RALY: variants seen among roughly 807,000 people sequenced by gnomAD.
The protein encoded by RALY is RNA-binding protein Raly.
RALY carries 15 observed loss-of-function variants against 30.7 expected under a neutral mutation model. That is an observed-to-expected ratio of 0.49 (90% CI 0.33 to 0.75). The LOEUF (loss-of-function observed/expected upper bound fraction) is 0.75, where lower values mean the gene tolerates loss of function less well. Among genes scored for constraint, RALY ranks in the 30% least tolerant of loss-of-function variants. RALY has a pLI of 0.02. For synonymous variants in RALY, 177 were observed against 170.8 expected (o/e 1.04, Z -0.28); for missense variants, 339 against 414.3 (o/e 0.82, Z 1.58).
At chr20:34,026,773 A>G (rs1415506010) in intron 1 of RALY, among the ~76,000 whole-genome samples, 14 of 151,838 alleles carry the variant, frequency 9.2e-5, no homozygotes, top group Admixed American at 9.2e-4. Flanking sequence ...TGCACTCCTT[A>G]CATCTCCCTT....
At chr20:34,048,262 A>G (rs558676028) in intron 2 of RALY, among the ~76,000 whole-genome samples, 23 of 152,092 alleles carry the variant, frequency 1.5e-4, no homozygotes, top group Non-Finnish European at 2.9e-4. Context: ...AAGTAAACCA[A>G]TGGGCTGGGA....
At chr20:34,043,604 T>A (rs1435812088) in intron 2 of RALY, among the ~76,000 whole-genome samples, 2 of 152,234 alleles carry the variant, frequency 1.3e-5, no homozygotes, top group Non-Finnish European at 2.9e-5. Context: ...CAAAGACTTT[T>A]GCCCTTTTCT....
At chr20:33,998,124 T>G (rs1338833574) in intron 1 of RALY, among the ~76,000 whole-genome samples, 2 of 152,238 alleles carry the variant, frequency 1.3e-5, no homozygotes, top group African/African-American at 2.4e-5. Context: ...GAAGAATTAA[T>G]GAGCCTCTGT....
At chr20:34,022,328 T>G (rs886794232) in intron 1 of RALY, among the ~76,000 whole-genome samples, 5 of 152,122 alleles carry the variant, frequency 3.3e-5, no homozygotes, top group Non-Finnish European at 7.4e-5. Context: ...GTAGAAAATC[T>G]GGATCATAGT....
rs1370825655 is a variant in RALY at position 34,083,798 on chromosome 20, C to T, written c.*3893C>T. 6.6e-6 allele frequency: 1 copy of T among 152,186 alleles called. No homozygotes were observed. The highest frequency in any genetic ancestry group is 2.4e-5 in the African/African-American group (1 of 41,420). 9.4% of individuals were successfully genotyped at this position (152,186 alleles called of 1,614,324 possible). A position where few individuals can be genotyped will look rare whatever the true frequency, so the allele number is the denominator to read the frequency against. ...ATGCAGTAGGCCTGTCTGACAAGAC[C>T]ACAGAAATAGAGAAGGCAAAGCAGA... On this transcript the variant is annotated 3_prime_UTR_variant, in exon 10 of 10. Coordinates refer to ENST00000246194, the MANE Select transcript of RALY (RefSeq NM_016732.3).
intron 1 of RALY, among the ~76,000 whole-genome samples, chr20:34,002,740 C>G (rs2030975483): frequency 6.6e-6 from 1 of 152,182 alleles, no homozygotes; most frequent in African/African-American, 2.4e-5. Flanking sequence ...CATTTCCTTT[C>G]AGGTTTAGGT....
chr20:33,999,097 T>G (rs1259761167), intron 1 of RALY, among the ~76,000 whole-genome samples: 1 of 136,950 alleles, frequency 7.3e-6, no homozygotes, highest in East Asian at 2.1e-4. Flanking sequence ...ACCACTGCAC[T>G]CCAGCCTGGG....
At chr20:34,045,824 C>T (rs2032861236) in intron 2 of RALY, among the ~76,000 whole-genome samples, 1 of 152,150 alleles carries the variant, frequency 6.6e-6, no homozygotes, top group Non-Finnish European at 1.5e-5. Flanking sequence ...TATTAGAAAT[C>T]CACAGAGGGA....
rs2031740376 is a variant in RALY, at chr20:34,019,641, G to A, written c.-92-11881G>A. Among the ~76,000 whole-genome samples the A allele has an allele frequency of 2.0e-5, 3 of 152,242 alleles. No individual in the cohort carries two copies. In the South Asian group the frequency reaches 6.2e-4, roughly 31 times the overall value. The stretch of plus-strand genomic sequence containing the variant: ...TCTGTTAGGTACTGCAAGGGACACA[G>A]AGTTGAGTAAGACACAGTCCCTGCT... On this transcript the variant is annotated intron_variant, in intron 1 of 9. Transcript: ENST00000246194.
At chr20:34,052,364 TTTAA>T (rs1157509334) in intron 2 of RALY, among the ~76,000 whole-genome samples, 3 of 152,202 alleles carry the variant, frequency 2.0e-5, no homozygotes, top group Non-Finnish European at 4.4e-5. Flanking sequence ...AGTCCAGTTC[TTTAA>T]TTTTTAAGAT....
chr20:34,011,440 T>C (rs1443060183), intron 1 of RALY, among the ~76,000 whole-genome samples: 1 of 152,184 alleles, frequency 6.6e-6, no homozygotes, highest in Non-Finnish European at 1.5e-5. Context: ...CAAAAACATA[T>C]CCTTGGGCCT....
chr20:34,029,354 T>A (rs763223896), intron 1 of RALY, among the ~76,000 whole-genome samples: 4 of 151,850 alleles, frequency 2.6e-5, no homozygotes, highest in Non-Finnish European at 5.9e-5. Flanking sequence ...GGAGAATCGC[T>A]TGAACCCGGG....
chr20:34,051,179 A>G (rs2033067045), intron 2 of RALY, among the ~76,000 whole-genome samples: 1 of 152,194 alleles, frequency 6.6e-6, no homozygotes, highest in Non-Finnish European at 1.5e-5. Flanking sequence ...TTTGAACCTT[A>G]GAGCAACTCT....
chr20:34,000,289 T>C (rs2284378), intron 1 of RALY, among the ~76,000 whole-genome samples: 112,565 of 151,788 alleles, frequency 0.74, 42,201 homozygotes, highest in South Asian at 0.85. Context: ...TGGACTAAGG[T>C]CCTTTCTTTT....
intron 2 of RALY, among the ~76,000 whole-genome samples, chr20:34,063,622 G>A (rs2033480958): frequency 6.6e-6 from 1 of 152,116 alleles, no homozygotes; most frequent in Admixed American, 6.5e-5. Flanking sequence ...CTCCCTCAAG[G>A]CAAGAATAAG....
intron 1 of RALY, among the ~76,000 whole-genome samples, chr20:34,013,352 T>C (rs966180398): frequency 6.7e-6 from 1 of 148,178 alleles, no homozygotes; most frequent in Non-Finnish European, 1.5e-5. Context: ...AGGTTGAGGC[T>C]GTAGTAAGCC....
intron 2 of RALY, among the ~76,000 whole-genome samples, chr20:34,046,209 C>G (rs1251902398): frequency 1.3e-5 from 2 of 152,204 alleles, no homozygotes; most frequent in African/African-American, 4.8e-5. Flanking sequence ...AGGTCTGTAT[C>G]CAGGAGGCTT....
intron 1 of RALY, among the ~76,000 whole-genome samples, chr20:34,005,553 T>C (rs1308038537): frequency 6.6e-6 from 1 of 152,182 alleles, no homozygotes; most frequent in Non-Finnish European, 1.5e-5. Context: ...TAACACAGCC[T>C]TGCATATTAG....
Position 34,082,563 on chromosome 20 carries a change from GGCATCA to G in RALY, c.*2661_*2666del, listed in dbSNP as rs1413513335. 1 of 152,226 alleles carries G rather than the reference GGCATCA, an allele frequency of 6.6e-6. No homozygotes were observed. The highest frequency in any genetic ancestry group is 1.5e-5 in the Non-Finnish European group (1 of 68,076). The allele number at this position is 152,226 out of a possible 1,614,324, so 9.4% of individuals were successfully genotyped here. ...AGGGAAGATACCTTCAAGGGTAGCAGGCATCAGCTCTACTCACCTTGGCCCATAAGG... is the reference window on the plus strand; with the variant it reads ...AGGGAAGATACCTTCAAGGGTAGCAGGCTCTACTCACCTTGGCCCATAAGG... On this transcript the variant is annotated 3_prime_UTR_variant, in exon 10 of 10. Coordinates refer to ENST00000246194, the MANE Select transcript of RALY (RefSeq NM_016732.3).
Sources: allele counts gnomAD v4.1 joint callset (sites outside exome capture counted in the v4.1 genomes callset), GRCh38; gene constraint gnomAD v4.1.1; transcripts MANE v1.5; gene names NCBI Gene and HGNC (gene_info 2026-07-23, HGNC 2026-07-21).